The following ZMYM2 variants were observed in gnomAD, a reference collection of about 807,000 sequenced individuals.
ZMYM2 encodes zinc finger MYM-type containing 2.
Under a neutral mutation model 162.8 loss-of-function variants are expected in ZMYM2, and 56 were observed. The observed-to-expected ratio is 0.34, with a 90% CI of 0.28 to 0.43. The LOEUF is 0.43. Ranked by LOEUF, ZMYM2 falls within the 20% of genes least tolerant of loss-of-function variation. The pLI is 1.00. For missense variants in ZMYM2, 1,275 were observed against 1,621.8 expected, an observed-to-expected ratio of 0.79 and a Z score of 3.67; for synonymous variants, 510 against 541.6, an observed-to-expected ratio of 0.94 and a Z score of 0.81.
chr13:19,907,016 A>G, the ZMYM2 span, among the ~76,000 whole-genome samples: 24 of 152,232 alleles, frequency 1.6e-4, no homozygotes, highest in African/African-American at 5.5e-4. Context: ...ATGAGCCACC[A>G]CACCTGGACT....
chr13:20,063,892 A>ATCATGATGT (rs1956458231), intron 18 of ZMYM2, among the ~76,000 whole-genome samples: 1 of 143,980 alleles, frequency 6.9e-6, no homozygotes, highest in Non-Finnish European at 1.5e-5. Context: ...ATATAATATA[A>ATCATGATGT]ATATAATTTT....
intron 19 of ZMYM2, among the ~76,000 whole-genome samples, chr13:20,065,604 G>GACC: frequency 6.6e-6 from 1 of 152,182 alleles, no homozygotes. Flanking sequence ...AAGAGTTTGA[G>GACC]ACCAGCCTGG....
At chr13:19,931,801 A>AT in the ZMYM2 span, among the ~76,000 whole-genome samples, 28 of 152,080 alleles carry the variant, frequency 1.8e-4, no homozygotes, top group East Asian at 3.5e-3. Context: ...TTTTTAAAAC[A>AT]TTTTTTTGTA....
chr13:20,072,897 CT>C (rs1388188471), intron 21 of ZMYM2, among the ~76,000 whole-genome samples: 1 of 151,094 alleles, frequency 6.6e-6, no homozygotes, highest in Non-Finnish European at 1.5e-5. Context: ...TCTGTGCCTT[CT>C]TTTTGTTTCT....
intron 3 of ZMYM2, among the ~76,000 whole-genome samples, chr13:20,001,854 A>G (rs930822956): frequency 6.6e-6 from 1 of 152,382 alleles, no homozygotes; most frequent in East Asian, 1.9e-4. Flanking sequence ...TTAGCAATAA[A>G]GTATTTTTAA....
rs372436585 is a variant in ZMYM2 at position 20,048,247 on chromosome 13, T to C, written c.2293-3186T>C. Among the ~76,000 whole-genome samples the C allele has an allele frequency of 1.3e-4, 20 of 151,970 alleles. No homozygotes were observed. In the East Asian group the frequency reaches 3.5e-3, roughly 26 times the overall value. On this transcript the variant is annotated intron_variant, in intron 12 of 24. Transcript: ENST00000610343. ...TGATTTATGGGCTTTAAATTAATAATATTAGACTTGTATAATTTTTCTTTA... is the reference window on the plus strand; with the variant it reads ...TGATTTATGGGCTTTAAATTAATAACATTAGACTTGTATAATTTTTCTTTA...
At chr13:19,863,927 T>G in the ZMYM2 span, 4 of 20,658 alleles carry the variant, frequency 1.9e-4, no homozygotes, top group African/African-American at 2.6e-4. Context: ...TCCGCCAGGG[T>G]CAGGAGCCCG....
the ZMYM2 span, among the ~76,000 whole-genome samples, chr13:19,896,423 C>T: frequency 6.6e-6 from 1 of 150,674 alleles, no homozygotes; most frequent in Non-Finnish European, 1.5e-5. Context: ...GGATTACAGG[C>T]GTGAGCCACT....
At chr13:19,974,187 C>T (rs1189299179) in intron 2 of ZMYM2, among the ~76,000 whole-genome samples, 1 of 152,214 alleles carries the variant, frequency 6.6e-6, no homozygotes, top group Non-Finnish European at 1.5e-5. Context: ...TCTGATTCAT[C>T]TACACAATTC....
chr13:19,980,606 A>T (rs1048374928), intron 2 of ZMYM2, among the ~76,000 whole-genome samples: 2 of 151,964 alleles, frequency 1.3e-5, no homozygotes, highest in African/African-American at 4.8e-5. Flanking sequence ...ACAAAAAGTT[A>T]GCTGGGCATG....
intron 6 of ZMYM2, among the ~76,000 whole-genome samples, chr13:20,009,247 A>G (rs1020625524): frequency 1.2e-4 from 19 of 152,208 alleles, no homozygotes; most frequent in African/African-American, 4.3e-4. Context: ...TATAGATGAA[A>G]TAGAGATAAT....
the ZMYM2 span, among the ~76,000 whole-genome samples, chr13:19,931,376 T>A: frequency 2.6e-5 from 4 of 152,132 alleles, no homozygotes; most frequent in African/African-American, 9.7e-5. Flanking sequence ...TGAGAGTTTA[T>A]CTCGCATCTA....
chr13:19,962,515 A>ATATATT (rs1371972440), intron 2 of ZMYM2, among the ~76,000 whole-genome samples: 6 of 38,928 alleles, frequency 1.5e-4, no homozygotes, highest in South Asian at 1.2e-3. Context: ...ATATATATAT[A>ATATATT]TTTTTTTTTT....
chr13:19,976,851 C>G (rs955166205), intron 2 of ZMYM2, among the ~76,000 whole-genome samples: 3 of 152,094 alleles, frequency 2.0e-5, no homozygotes, highest in African/African-American at 7.2e-5. Context: ...TCGTTCTATC[C>G]ATTTTTGGAA....
At chr13:19,941,910 C>G in the ZMYM2 span, among the ~76,000 whole-genome samples, 667 of 151,612 alleles carry the variant, frequency 4.4e-3, 4 homozygotes, top group African/African-American at 0.016. Flanking sequence ...CCACACCTGG[C>G]TAATTTATTT....
the ZMYM2 span, among the ~76,000 whole-genome samples, chr13:19,914,674 T>A: frequency 5.3e-5 from 8 of 152,246 alleles, no homozygotes; most frequent in African/African-American, 1.9e-4. Context: ...TTACGTAGTG[T>A]CTTATCCACC....
the ZMYM2 span, among the ~76,000 whole-genome samples, chr13:19,887,619 G>T: frequency 0.012 from 1,853 of 151,216 alleles, 62 homozygotes; most frequent in African/African-American, 0.041. Flanking sequence ...CGTGATTTTT[G>T]ATCTGGTTAC....
At chr13:20,026,500 T>C (rs931345281) in intron 7 of ZMYM2, 112 bp from the exon 8 acceptor site, 6 of 1,052,810 alleles carry the variant, frequency 5.7e-6, no homozygotes, top group East Asian at 2.6e-5. Context: ...TAAACCTGTT[T>C]AGAGATTAAC....
chr13:20,013,437 C>A (rs931620797), intron 6 of ZMYM2, among the ~76,000 whole-genome samples: 2 of 152,088 alleles, frequency 1.3e-5, no homozygotes, highest in Non-Finnish European at 2.9e-5. Flanking sequence ...CATTTTATTT[C>A]TTAACTAATG....
Sources: allele counts gnomAD v4.1 joint callset (sites outside exome capture counted in the v4.1 genomes callset), GRCh38; gene constraint gnomAD v4.1.1; transcripts MANE v1.5; gene names NCBI Gene and HGNC (gene_info 2026-07-23, HGNC 2026-07-21).